Variants in CADM2 observed in about 807,000 individuals in gnomAD.
The protein encoded by CADM2 is cell adhesion molecule 2, also known as immunoglobulin superfamily member 4D.
A neutral mutation model predicts 49.8 loss-of-function variants in CADM2; 12 were observed. The ratio of observed to expected loss-of-function variants is 0.24; its 90% confidence interval spans 0.15 to 0.39. The LOEUF is 0.39. Among genes scored for constraint, CADM2 ranks in the 10% least tolerant of loss-of-function variants. The pLI, the probability that CADM2 is intolerant of heterozygous loss-of-function variation, is 1.00. For synonymous variants in CADM2, 214 were observed against 175.4 expected, an observed-to-expected ratio of 1.22 and a Z score of -1.74; for missense variants, 378 against 492.3, an observed-to-expected ratio of 0.77 and a Z score of 2.20.
chr3:85,349,289 T>G (rs1259377401), intron 1 of CADM2, among the ~76,000 whole-genome samples: 1 of 152,218 alleles, frequency 6.6e-6, no homozygotes, highest in African/African-American at 2.4e-5. Context: ...GTCTTTTTGC[T>G]TAAAGTGATA....
rs114425755 is a variant in CADM2, at chr3:85,037,966, G to A, written c.61+78298G>A. The stretch of plus-strand genomic sequence containing the variant: ...GCTAATATTAGCCTCACTGGTGGCC[G>A]GAAAACTAAAAAAAAAAAATAGTTA... On this transcript the variant is annotated intron_variant, in intron 1 of 9. Transcript: ENST00000383699. Among the ~76,000 whole-genome samples the A allele has an allele frequency of 9.3e-5, 14 of 150,686 alleles. No individual in the cohort carries two copies. The South Asian group carries it at 1.3e-3, about 14-fold the overall frequency.
chr3:85,094,264 A>G (rs1184827631), intron 1 of CADM2, among the ~76,000 whole-genome samples: 1 of 152,150 alleles, frequency 6.6e-6, no homozygotes, highest in Non-Finnish European at 1.5e-5. Context: ...TCATACCTTT[A>G]TAATAATAAT....
intron 7 of CADM2, among the ~76,000 whole-genome samples, chr3:85,941,453 A>G (rs370603973): frequency 2.3e-4 from 35 of 152,194 alleles, no homozygotes; most frequent in African/African-American, 8.4e-4. Flanking sequence ...GGCAAAACTG[A>G]TACAGCAACT....
At chr3:85,067,542 A>G (rs1034069002) in intron 1 of CADM2, among the ~76,000 whole-genome samples, 9 of 152,164 alleles carry the variant, frequency 5.9e-5, no homozygotes, top group African/African-American at 2.2e-4. Flanking sequence ...ACAGTATGGT[A>G]TCTGGGAACA....
At chr3:85,026,086 C>G (rs2034715480) in intron 1 of CADM2, among the ~76,000 whole-genome samples, 1 of 152,112 alleles carries the variant, frequency 6.6e-6, no homozygotes, top group African/African-American at 2.4e-5. Context: ...CATTTTAAGT[C>G]AAACTCAAGA....
intron 1 of CADM2, among the ~76,000 whole-genome samples, chr3:85,049,173 G>A (rs769647325): frequency 6.6e-6 from 1 of 152,036 alleles, no homozygotes; most frequent in Non-Finnish European, 1.5e-5. Context: ...ATCTTAGTGG[G>A]AACAATTGCA....
intron 1 of CADM2, among the ~76,000 whole-genome samples, chr3:85,013,157 AAT>A (rs1443521355): frequency 3.4e-5 from 5 of 145,142 alleles, no homozygotes; most frequent in South Asian, 2.2e-4. Flanking sequence ...AAAAAAAAAA[AAT>A]ACCAAATTAT....
intron 7 of CADM2, 64 bp from the exon 8 acceptor site, chr3:85,961,405 C>A: frequency 7.5e-7 from 1 of 1,334,486 alleles, no homozygotes; most frequent in Non-Finnish European, 1.0e-6. Context: ...AATTGATTTA[C>A]TAAATTTACA....
intron 1 of CADM2, among the ~76,000 whole-genome samples, chr3:85,319,435 A>G (rs2044546061): frequency 6.6e-6 from 1 of 152,184 alleles, no homozygotes. Context: ...TAACAATTCC[A>G]TTACTCGGTG....
intron 1 of CADM2, among the ~76,000 whole-genome samples, chr3:85,178,746 T>C (rs77923430): frequency 0.028 from 4,200 of 151,920 alleles, 178 homozygotes; most frequent in African/African-American, 0.095. Context: ...TTTGTATATG[T>C]TAAATCATTC....
intron 1 of CADM2, among the ~76,000 whole-genome samples, chr3:85,332,068 A>T (rs2044945372): frequency 6.6e-6 from 1 of 152,056 alleles, no homozygotes; most frequent in Non-Finnish European, 1.5e-5. Context: ...TAAGGGATCA[A>T]TTGAAAATAA....
chr3:85,383,066 A>G (rs2033993687), intron 1 of CADM2, among the ~76,000 whole-genome samples: 1 of 152,302 alleles, frequency 6.6e-6, no homozygotes, highest in Non-Finnish European at 1.5e-5. Context: ...GCCATACTTG[A>G]ACCACTCAGA....
intron 1 of CADM2, among the ~76,000 whole-genome samples, chr3:85,714,858 C>A (rs2067235483): frequency 6.6e-6 from 1 of 152,070 alleles, no homozygotes; most frequent in South Asian, 2.1e-4. Flanking sequence ...TCCTTTACAT[C>A]AATGAGTACT....
chr3:85,289,986 G>A (rs1488921963), intron 1 of CADM2, among the ~76,000 whole-genome samples: 1 of 152,188 alleles, frequency 6.6e-6, no homozygotes, highest in Non-Finnish European at 1.5e-5. Context: ...ACCAGCGTGA[G>A]CTCAGCAGAA....
chr3:85,118,475 A>G (rs1256575741), intron 1 of CADM2, among the ~76,000 whole-genome samples: 1 of 152,158 alleles, frequency 6.6e-6, no homozygotes, highest in Non-Finnish European at 1.5e-5. Context: ...GGCACGACGA[A>G]CATGGCAGCA....
rs200882077 is a variant in CADM2, at chr3:85,999,525, A to AGAAG, written c.970+37894_970+37897dup. Reference sequence around the variant, plus strand: ...GTCAAAAAAAAGAAAAGAAAAAGAAAGAAGGAAGGAAGGAAGGAAAGAAAG... The same window carrying AGAAG: ...GTCAAAAAAAAGAAAAGAAAAAGAAAGAAGGAAGGAAGGAAGGAAGGAAAGAAAG... On this transcript the variant is annotated intron_variant, in intron 8 of 9. Transcript: ENST00000383699. Among the ~76,000 whole-genome samples the AGAAG allele has an allele frequency of 1.2e-4, 18 of 147,364 alleles. No individual in the cohort carries two copies. In the East Asian group the frequency reaches 2.1e-3, roughly 18 times the overall value.
chr3:85,511,952 A>T (rs757072958), intron 1 of CADM2: 27 of 793,888 alleles, frequency 3.4e-5, no homozygotes, highest in Non-Finnish European at 3.8e-5. Context: ...TCAATATATA[A>T]ATATATATGT....
chr3:85,954,405 T>C lies in CADM2; in HGVS notation c.792-7064T>C, dbSNP rs533597953. On this transcript the variant is annotated intron_variant, in intron 7 of 9. Coordinates refer to ENST00000383699, the MANE Select transcript of CADM2 (RefSeq NM_001167675.2). The stretch of plus-strand genomic sequence containing the variant: ...CAAGTAGTCCTTTTGTATTTCTTGC[T>C]GTTTTTCAACTACATCCTTAACTTC... Among the ~76,000 whole-genome samples the C allele has an allele frequency of 2.0e-4, 30 of 151,238 alleles. No individual in the cohort carries two copies. In the South Asian group the frequency reaches 6.0e-3, roughly 30 times the overall value.
At chr3:85,960,534 A>G (rs1289574200) in intron 7 of CADM2, among the ~76,000 whole-genome samples, 1 of 151,984 alleles carries the variant, frequency 6.6e-6, no homozygotes, top group Non-Finnish European at 1.5e-5. Flanking sequence ...TCTTATATGC[A>G]GCACATTTTA....
Sources: allele counts gnomAD v4.1 joint callset (sites outside exome capture counted in the v4.1 genomes callset), GRCh38; gene constraint gnomAD v4.1.1; transcripts MANE v1.5; gene names NCBI Gene and HGNC (gene_info 2026-07-23, HGNC 2026-07-21).